Variants in LOC400499 observed in about 807,000 individuals in gnomAD.
the LOC400499 span, chr16:11,424,156 TGAGGCTGGGCATGGTGTGGGTGTGACG>T: frequency 2.5e-6 from 1 of 399,300 alleles, no homozygotes; most frequent in Non-Finnish European, 4.4e-6. Context: ...CCCCAGTGCT[TGAGGCTGGGCATGGTGTGGGTGTGACG>T]GAGGCTGGCA....
At chr16:11,495,006 C>T in the LOC400499 span, among the ~76,000 whole-genome samples, 1 of 152,102 alleles carries the variant, frequency 6.6e-6, no homozygotes, top group African/African-American at 2.4e-5. Context: ...GTCAGGAGTT[C>T]GAGACCAGCC....
At chr16:11,527,092 G>A in the LOC400499 span, among the ~76,000 whole-genome samples, 1 of 152,222 alleles carries the variant, frequency 6.6e-6, no homozygotes, top group Admixed American at 6.5e-5. Context: ...CCAGGAACGC[G>A]CAGCAGTTTT....
chr16:11,471,395 T>G, the LOC400499 span: 2 of 347,642 alleles, frequency 5.8e-6, no homozygotes, highest in Admixed American at 9.5e-5. Flanking sequence ...GAATATGATG[T>G]GCTCTGGGGT....
the LOC400499 span, among the ~76,000 whole-genome samples, chr16:11,374,773 G>A: frequency 4.6e-5 from 7 of 152,190 alleles, no homozygotes; most frequent in Non-Finnish European, 1.0e-4. Context: ...ATGCTGCTAT[G>A]AACATCGGTG....
the LOC400499 span, chr16:11,502,006 G>A: frequency 6.3e-5 from 25 of 398,102 alleles, no homozygotes; most frequent in Non-Finnish European, 1.0e-4. Flanking sequence ...AGGACAGCAC[G>A]AAGACTCCTT....
chr16:11,422,421 G>A, the LOC400499 span, among the ~76,000 whole-genome samples: 80 of 151,960 alleles, frequency 5.3e-4, no homozygotes, highest in African/African-American at 1.8e-3. Flanking sequence ...GGAATGGGAC[G>A]GAAAGGAACA....
At chr16:11,392,776 G>T in the LOC400499 span, 8 of 984,096 alleles carry the variant, frequency 8.1e-6, no homozygotes, top group Non-Finnish European at 9.7e-6. Flanking sequence ...GAGTACAGTG[G>T]CTGGATCACA....
the LOC400499 span, chr16:11,491,572 A>T: frequency 7.8e-6 from 3 of 382,722 alleles, no homozygotes; most frequent in Non-Finnish European, 1.4e-5. Flanking sequence ...AAACAGGGGA[A>T]CAAGAACACA....
At chr16:11,478,673 G>A in the LOC400499 span, 1 of 399,176 alleles carries the variant, frequency 2.5e-6, no homozygotes, top group South Asian at 1.3e-4. Flanking sequence ...CGGGCCCCAC[G>A]CCTCCGGGTC....
At chr16:11,517,920 A>T in the LOC400499 span, among the ~76,000 whole-genome samples, 1 of 152,198 alleles carries the variant, frequency 6.6e-6, no homozygotes, top group African/African-American at 2.4e-5. Flanking sequence ...AACCCTGGGG[A>T]ACAGATATGT....
chr16:11,492,784 C>CAA, the LOC400499 span, among the ~76,000 whole-genome samples: 16 of 140,282 alleles, frequency 1.1e-4, no homozygotes, highest in Admixed American at 2.1e-4. Context: ...GACTCCGTCT[C>CAA]AAAAAAAAAA....
chr16:11,387,351 G>C, the LOC400499 span: 16 of 1,216,276 alleles, frequency 1.3e-5, no homozygotes, highest in Non-Finnish European at 1.5e-5. Flanking sequence ...GCTTCCCTTG[G>C]CTGCAGAGGG....
At chr16:11,508,456 G>C in the LOC400499 span, among the ~76,000 whole-genome samples, 41 of 152,288 alleles carry the variant, frequency 2.7e-4, no homozygotes, top group East Asian at 1.3e-3. Flanking sequence ...TTGTGTGCTC[G>C]TAGACAGACA....
chr16:11,383,533 G>C, the LOC400499 span: 5 of 1,150,732 alleles, frequency 4.3e-6, no homozygotes, highest in Non-Finnish European at 5.5e-6. Context: ...TTAGCTCCTT[G>C]AATGACAATT....
chr16:11,384,602 C>A, the LOC400499 span, among the ~76,000 whole-genome samples: 2 of 152,192 alleles, frequency 1.3e-5, no homozygotes, highest in Admixed American at 6.5e-5. Context: ...CAGGCCCTTC[C>A]TTTGTGTTCC....
the LOC400499 span, among the ~76,000 whole-genome samples, chr16:11,407,972 T>TG: frequency 4.4e-5 from 1 of 22,770 alleles, no homozygotes; most frequent in Admixed American, 7.2e-4. Context: ...CCAGAGCTGT[T>TG]TTTTTTTTTT....
the LOC400499 span, chr16:11,396,416 C>T: frequency 1.7e-6 from 2 of 1,164,022 alleles, no homozygotes; most frequent in South Asian, 4.4e-5. Context: ...ATGGCGGGGC[C>T]GCCCAGGCAG....
At chr16:11,512,433 T>C in the LOC400499 span, among the ~76,000 whole-genome samples, 1 of 151,976 alleles carries the variant, frequency 6.6e-6, no homozygotes, top group African/African-American at 2.4e-5. Context: ...GGAAACCCCA[T>C]CTCTACTAAA....
At chr16:11,437,855 C>T in the LOC400499 span, among the ~76,000 whole-genome samples, 7 of 152,146 alleles carry the variant, frequency 4.6e-5, no homozygotes, top group Admixed American at 6.5e-5. Flanking sequence ...GGTGACAGAG[C>T]GAGACTCGGT....
Sources: allele counts gnomAD v4.1 joint callset (sites outside exome capture counted in the v4.1 genomes callset), GRCh38; gene constraint gnomAD v4.1.1; transcripts MANE v1.5.